The following EPHA6 variants were observed in gnomAD, a reference collection of about 807,000 sequenced individuals.
EPHA6 encodes the protein ephrin type-A receptor 6.
A neutral mutation model predicts 112.0 loss-of-function variants in EPHA6; 50 were observed. The ratio of observed to expected loss-of-function variants is 0.45; its 90% CI spans 0.36 to 0.56. The LOEUF is 0.56. Ranked by LOEUF, EPHA6 falls within the 20% of genes least tolerant of loss-of-function variation. The probability of loss-of-function intolerance (pLI) is 0.00; values close to 1 mark genes in which losing one functional copy is unlikely to be tolerated. For synonymous variants in EPHA6, 529 were observed against 490.7 expected (o/e 1.08, Z -1.03); for missense variants, 1,280 against 1,417.4 (o/e 0.90, Z 1.56).
intron 10 of EPHA6, among the ~76,000 whole-genome samples, chr3:97,493,623 C>CTGTGTGTGTGTG (rs373276812): frequency 6.8e-6 from 1 of 147,266 alleles, no homozygotes; most frequent in African/African-American, 2.5e-5. Context: ...ATTTAGTCCT[C>CTGTGTGTGTGTG]TGTGTGTGTG....
intron 1 of EPHA6, among the ~76,000 whole-genome samples, chr3:96,818,917 G>A (rs1042846351): frequency 1.1e-4 from 17 of 151,740 alleles, no homozygotes; most frequent in African/African-American, 4.1e-4. Flanking sequence ...ATACAACTTA[G>A]AATATAATTT....
rs907930441 is a variant in EPHA6 at position 97,320,034 on chromosome 3, T to G, written c.1606+75747T>G. Reference sequence around the variant, plus strand: ...AGAATTAAAGACCTGCTTCGTTCTCTCCTCACCCTCTTTCTTTATCTATTT... The same window carrying G: ...AGAATTAAAGACCTGCTTCGTTCTCGCCTCACCCTCTTTCTTTATCTATTT... On this transcript the variant is annotated intron_variant, in intron 5 of 17. Transcript: ENST00000389672. Among the ~76,000 whole-genome samples, 5 of 152,066 alleles carry G rather than the reference T, an allele frequency of 3.3e-5. 1 individual carries two copies. Among genetic ancestry groups the G allele is most frequent in the African/African-American group, 1.2e-4 (5 of 41,372 alleles).
intron 3 of EPHA6, among the ~76,000 whole-genome samples, chr3:97,057,398 T>C (rs2045885164): frequency 6.6e-6 from 1 of 152,210 alleles, no homozygotes; most frequent in Non-Finnish European, 1.5e-5. Context: ...CTGAGGATGC[T>C]ATGATGGTTA....
chr3:97,546,720 G>A (rs966972091), intron 11 of EPHA6, among the ~76,000 whole-genome samples: 4 of 152,092 alleles, frequency 2.6e-5, no homozygotes, highest in East Asian at 1.9e-4. Flanking sequence ...CGTAGATTTC[G>A]TCTTTTCACA....
intron 13 of EPHA6, among the ~76,000 whole-genome samples, chr3:97,635,198 T>C (rs1453023770): frequency 3.3e-5 from 5 of 152,102 alleles, no homozygotes; most frequent in African/African-American, 4.8e-5. Flanking sequence ...ATATCCTACA[T>C]TTATAGTCCT....
intron 1 of EPHA6, among the ~76,000 whole-genome samples, chr3:96,837,267 G>A (rs1481695618): frequency 1.3e-5 from 2 of 152,130 alleles, no homozygotes; most frequent in Non-Finnish European, 2.9e-5. Flanking sequence ...TCATAATTCT[G>A]TGTGGTAATT....
chr3:97,532,661 A>G, intron 11 of EPHA6, 118 bp downstream of exon 11: 1 of 810,002 alleles, frequency 1.2e-6, no homozygotes, highest in Non-Finnish European at 1.9e-6. Context: ...TAGTTCAGAT[A>G]TCATCACCCC....
intron 11 of EPHA6, among the ~76,000 whole-genome samples, chr3:97,541,989 A>T (rs1198605860): frequency 6.6e-6 from 1 of 151,904 alleles, no homozygotes; most frequent in Non-Finnish European, 1.5e-5. Context: ...TCTGAGTGGC[A>T]AACTGAAGAA....
intron 7 of EPHA6, among the ~76,000 whole-genome samples, chr3:97,455,691 T>A (rs1393879130): frequency 6.6e-6 from 1 of 152,030 alleles, no homozygotes; most frequent in Non-Finnish European, 1.5e-5. Flanking sequence ...AGTGTTTTAA[T>A]GCATATTTCT....
intron 14 of EPHA6, among the ~76,000 whole-genome samples, chr3:97,710,149 G>C (rs1162332997): frequency 6.6e-6 from 1 of 152,086 alleles, no homozygotes; most frequent in Non-Finnish European, 1.5e-5. Context: ...ACCTTTGGGG[G>C]TGAGCCCTTC....
At chr3:97,581,995 G>A (rs961297795) in intron 11 of EPHA6, among the ~76,000 whole-genome samples, 3 of 152,084 alleles carry the variant, frequency 2.0e-5, no homozygotes, top group African/African-American at 7.2e-5. Context: ...GGATTCTGAA[G>A]CTGTTCTTTT....
At chr3:97,093,377 C>A (rs2047134073) in intron 3 of EPHA6, among the ~76,000 whole-genome samples, 1 of 151,900 alleles carries the variant, frequency 6.6e-6, no homozygotes, top group Admixed American at 6.6e-5. Context: ...GGCAAAACTG[C>A]TTCTCTACCA....
chr3:97,113,197 C>A (rs372924426), intron 3 of EPHA6, among the ~76,000 whole-genome samples: 1 of 152,036 alleles, frequency 6.6e-6, no homozygotes, highest in African/African-American at 2.4e-5. Context: ...CCATTGTCTT[C>A]ACTGTGATTT....
intron 3 of EPHA6, among the ~76,000 whole-genome samples, chr3:97,123,744 AT>A (rs1225778190): frequency 6.6e-6 from 1 of 152,122 alleles, no homozygotes; most frequent in Non-Finnish European, 1.5e-5. Context: ...CAATTGCTAA[AT>A]TTTCAGGAAG....
chr3:97,207,975 A>G (rs1012177541), intron 3 of EPHA6, among the ~76,000 whole-genome samples: 3 of 152,164 alleles, frequency 2.0e-5, no homozygotes, highest in African/African-American at 7.2e-5. Flanking sequence ...GGGATTTGGT[A>G]TGAGCCAAAT....
chr3:97,199,544 C>T (rs1037847766), intron 3 of EPHA6, among the ~76,000 whole-genome samples: 1 of 152,150 alleles, frequency 6.6e-6, no homozygotes, highest in Non-Finnish European at 1.5e-5. Context: ...TTCCTGAAGA[C>T]AGCATTTCCT....
chr3:97,547,684 A>C (rs934474170), intron 11 of EPHA6, among the ~76,000 whole-genome samples: 2 of 151,996 alleles, frequency 1.3e-5, no homozygotes, highest in Non-Finnish European at 2.9e-5. Flanking sequence ...GGCAGGCAGG[A>C]CTCCTTGAGC....
chr3:97,696,012 A>C (rs948679086), intron 14 of EPHA6, among the ~76,000 whole-genome samples: 4 of 152,254 alleles, frequency 2.6e-5, no homozygotes, highest in Non-Finnish European at 5.9e-5. Flanking sequence ...CACTGAAAAG[A>C]TATTTACCAA....
At chr3:96,892,983 CGTGT>C (rs373852168) in intron 2 of EPHA6, among the ~76,000 whole-genome samples, 3 of 125,670 alleles carry the variant, frequency 2.4e-5, no homozygotes, top group South Asian at 4.7e-4. Context: ...TGTGTGTGTT[CGTGT>C]GTGTGTGTGT....
Sources: allele counts gnomAD v4.1 joint callset (sites outside exome capture counted in the v4.1 genomes callset), GRCh38; gene constraint gnomAD v4.1.1; transcripts MANE v1.5; gene names NCBI Gene and HGNC (gene_info 2026-07-23, HGNC 2026-07-21).